Variants in TMCC1 observed in about 807,000 individuals in gnomAD.
TMCC1 encodes the protein transmembrane and coiled-coil domain family 1.
TMCC1 carries 15 observed loss-of-function variants against 52.4 expected under a neutral mutation model. That is an observed-to-expected ratio of 0.29 (90% CI 0.19 to 0.44). TMCC1 has a LOEUF of 0.44. Ranked by LOEUF, TMCC1 falls within the 20% of genes least tolerant of loss-of-function variation. The probability of loss-of-function intolerance (pLI) is 1.00; values close to 1 mark genes in which losing one functional copy is unlikely to be tolerated. For synonymous variants in TMCC1, 279 were observed against 301.9 expected, an observed-to-expected ratio of 0.92 and a Z score of 0.79; for missense variants, 503 against 806.0, an observed-to-expected ratio of 0.62 and a Z score of 4.55.
At chr3:129,806,585 G>C (rs559662851) in intron 4 of TMCC1, among the ~76,000 whole-genome samples, 29 of 152,308 alleles carry the variant, frequency 1.9e-4, no homozygotes, top group Admixed American at 1.6e-3. Context: ...TCTCAAATAG[G>C]AGAAGGAAGC....
At chr3:129,799,893 A>G (rs548476419) in intron 4 of TMCC1, among the ~76,000 whole-genome samples, 10 of 152,314 alleles carry the variant, frequency 6.6e-5, no homozygotes, top group African/African-American at 2.2e-4. Context: ...GTATATGTGT[A>G]TGTATGCACA....
At chr3:129,779,813 T>C (rs928073741) in intron 4 of TMCC1, among the ~76,000 whole-genome samples, 1 of 152,180 alleles carries the variant, frequency 6.6e-6, no homozygotes, top group Admixed American at 6.5e-5. Context: ...TTTCAACAGA[T>C]CTAAAGACTA....
rs2050062161 is a variant in TMCC1 at position 129,726,133 on chromosome 3, T to C, written c.577-54869A>G. Reference sequence around the variant, plus strand: ...AATATGGAACAAAAAGAGTCAGTCATACCTTATCTGTAGAGGAGAAGTAGG... The same window carrying C: ...AATATGGAACAAAAAGAGTCAGTCACACCTTATCTGTAGAGGAGAAGTAGG... On this transcript the variant is annotated intron_variant, in intron 4 of 6. Transcript: ENST00000393238. Among the ~76,000 whole-genome samples the C allele has an allele frequency of 1.3e-5, 2 of 152,292 alleles. 1 individual carries two copies. The highest frequency in any genetic ancestry group is 4.1e-4 in the South Asian group (2 of 4,824).
chr3:129,876,286 C>CAAAA (rs61167884), intron 2 of TMCC1, among the ~76,000 whole-genome samples: 9 of 90,970 alleles, frequency 9.9e-5, no homozygotes, highest in African/African-American at 1.4e-4. Context: ...ATGCCTGGCT[C>CAAAA]AAAAAAAAAA....
chr3:129,655,154 C>T (rs1463810706), intron 5 of TMCC1, 51 bp from the exon 6 acceptor site: 1 of 1,591,314 alleles, frequency 6.3e-7, no homozygotes, highest in Non-Finnish European at 8.5e-7. Context: ...GAATATCTTT[C>T]CTGGCATTAT....
rs555686635 is a variant in TMCC1, at chr3:129,695,254, T to G, written c.577-23990A>C. Among the ~76,000 whole-genome samples the G allele has an allele frequency of 4.9e-4, 74 of 152,248 alleles. 2 individuals are homozygous for G. The South Asian group carries it at 0.015, about 32-fold the overall frequency. Reference sequence around the variant, plus strand: ...GTCCTTTCAAGGGAATGCTGGGTGTTGTCTATTGGACCCTTTGAAGTTATC... The same window carrying G: ...GTCCTTTCAAGGGAATGCTGGGTGTGGTCTATTGGACCCTTTGAAGTTATC... On this transcript the variant is annotated intron_variant, in intron 4 of 6. Transcript: ENST00000393238.
At chr3:129,831,668 C>T (rs1307893533) in intron 3 of TMCC1, among the ~76,000 whole-genome samples, 1 of 152,050 alleles carries the variant, frequency 6.6e-6, no homozygotes, top group Admixed American at 6.6e-5. Flanking sequence ...AATGCTGTGG[C>T]AAAAATACCA....
chr3:129,818,986 T>C (rs866791839), intron 4 of TMCC1: 1 of 153,080 alleles, frequency 6.5e-6, no homozygotes, highest in South Asian at 2.1e-4. Context: ...CAGTTACAGA[T>C]TTCTTTGTTC....
At chr3:129,886,636 A>T (rs2061716811) in intron 1 of TMCC1, among the ~76,000 whole-genome samples, 2 of 152,110 alleles carry the variant, frequency 1.3e-5, no homozygotes, top group African/African-American at 4.8e-5. Flanking sequence ...GTTAAGTGAA[A>T]GAAGCTAAAA....
chr3:129,793,080 T>C (rs2056583927), intron 4 of TMCC1, among the ~76,000 whole-genome samples: 1 of 152,130 alleles, frequency 6.6e-6, no homozygotes, highest in Non-Finnish European at 1.5e-5. Context: ...ATGTACTATA[T>C]ATATGAAAAT....
chr3:129,672,819 C>T (rs1177297415), intron 4 of TMCC1, among the ~76,000 whole-genome samples: 1 of 152,066 alleles, frequency 6.6e-6, no homozygotes. Flanking sequence ...CAATAATGCA[C>T]CAAGTTTGAA....
intron 2 of TMCC1, among the ~76,000 whole-genome samples, chr3:129,875,805 G>C (rs1469841137): frequency 1.3e-5 from 2 of 152,182 alleles, no homozygotes; most frequent in African/African-American, 4.8e-5. Context: ...TCATCTGGCT[G>C]AGTATGCTAC....
chr3:129,776,119 T>C (rs1181201975), intron 4 of TMCC1, among the ~76,000 whole-genome samples: 2 of 152,192 alleles, frequency 1.3e-5, no homozygotes, highest in Non-Finnish European at 2.9e-5. Context: ...CCTTTAGATC[T>C]CATCTCAAAT....
chr3:129,866,694 T>C (rs1205227825), intron 2 of TMCC1, among the ~76,000 whole-genome samples: 2 of 152,050 alleles, frequency 1.3e-5, no homozygotes, highest in Non-Finnish European at 2.9e-5. Context: ...ATATTTTCAC[T>C]ATTTGCTACA....
chr3:129,748,350 T>C (rs2052173775), intron 4 of TMCC1, among the ~76,000 whole-genome samples: 1 of 152,168 alleles, frequency 6.6e-6, no homozygotes, highest in African/African-American at 2.4e-5. Context: ...TGGAGTGGCA[T>C]AATCTCGGCT....
At chr3:129,663,367 T>C (rs2087191710) in intron 5 of TMCC1, among the ~76,000 whole-genome samples, 1 of 152,148 alleles carries the variant, frequency 6.6e-6, no homozygotes, top group Non-Finnish European at 1.5e-5. Flanking sequence ...CACAGGCAAC[T>C]ATGGGAGAAG....
intron 4 of TMCC1, among the ~76,000 whole-genome samples, chr3:129,695,360 G>C (rs921619630): frequency 3.3e-5 from 5 of 152,166 alleles, no homozygotes; most frequent in Non-Finnish European, 7.3e-5. Flanking sequence ...CTCATGGACA[G>C]TGTTTGTGAT....
intron 4 of TMCC1, among the ~76,000 whole-genome samples, chr3:129,740,590 A>G (rs1221993732): frequency 6.6e-6 from 1 of 152,224 alleles, no homozygotes; most frequent in African/African-American, 2.4e-5. Flanking sequence ...TCAGAGCTAT[A>G]AAGTACTCAA....
chr3:129,885,336 T>C lies in TMCC1; in HGVS notation c.-434-4777A>G, dbSNP rs148182764. Among the ~76,000 whole-genome samples the C allele has an allele frequency of 7.2e-5, 11 of 152,094 alleles. No homozygotes were observed. In the East Asian group the frequency reaches 2.1e-3, roughly 29 times the overall value. ...AAAGCAATCACTGCAGAACAAAGCT[T>C]TGGGGTCAGGTGTTGAAGTAGAAAA... On this transcript the variant is annotated intron_variant, in intron 1 of 6. Coordinates refer to ENST00000393238, the MANE Select transcript of TMCC1 (RefSeq NM_001017395.5).
Sources: gnomAD v4.1 joint callset for allele counts (sites outside exome capture counted in the v4.1 genomes callset) on GRCh38, gnomAD v4.1.1 for gene constraint, MANE v1.5 for transcripts, NCBI Gene and HGNC (gene_info 2026-07-23, HGNC 2026-07-21) for gene names.